The following ABHD17B variants were observed in gnomAD, a reference collection of about 807,000 sequenced individuals.
ABHD17B encodes abhydrolase domain containing 17B, depalmitoylase, also known as alpha/beta hydrolase domain-containing protein 17B.
Under a neutral mutation model 26.2 loss-of-function variants are expected in ABHD17B, and 9 were observed. That is an observed-to-expected ratio of 0.34 (90% CI 0.21 to 0.60). The LOEUF is 0.60. Among genes scored for constraint, ABHD17B ranks in the 20% least tolerant of loss-of-function variants. The pLI is 0.80. For synonymous variants in ABHD17B, 127 were observed against 122.3 expected (o/e 1.04, Z -0.25); for missense variants, 224 against 352.1 (o/e 0.64, Z 2.91).
chr9:71,900,321 A>G (rs1827094487), intron 1 of ABHD17B, among the ~76,000 whole-genome samples: 2 of 152,176 alleles, frequency 1.3e-5, no homozygotes, highest in South Asian at 2.1e-4. Context: ...GACGGCCTAC[A>G]AGGTGATTTC....
intron 1 of ABHD17B, among the ~76,000 whole-genome samples, chr9:71,889,333 T>C (rs529831431): frequency 1.5e-5 from 2 of 131,558 alleles, no homozygotes; most frequent in African/African-American, 5.5e-5. Context: ...AAAAAAAAAA[T>C]CAAACCGCAT....
At chr9:71,891,724 C>T (rs1826789446) in intron 1 of ABHD17B, among the ~76,000 whole-genome samples, 2 of 152,316 alleles carry the variant, frequency 1.3e-5, no homozygotes, top group Non-Finnish European at 1.5e-5. Flanking sequence ...GTCAGTCTGT[C>T]TCTCACAAAC....
chr9:71,897,026 T>C (rs1201855113), intron 1 of ABHD17B, among the ~76,000 whole-genome samples: 1 of 152,188 alleles, frequency 6.6e-6, no homozygotes, highest in Admixed American at 6.5e-5. Flanking sequence ...AGGTCTCTCA[T>C]TGGAGACACA....
At chr9:71,880,546 C>A (rs969999798) in intron 1 of ABHD17B, among the ~76,000 whole-genome samples, 2 of 151,780 alleles carry the variant, frequency 1.3e-5, no homozygotes, top group Non-Finnish European at 2.9e-5. Flanking sequence ...ATATAATTAC[C>A]CTGATAGAAA....
chr9:71,895,851 T>C (rs1826937247), intron 1 of ABHD17B, among the ~76,000 whole-genome samples: 1 of 152,174 alleles, frequency 6.6e-6, no homozygotes, highest in Non-Finnish European at 1.5e-5. Flanking sequence ...AAAATTACTT[T>C]GGAATGCAAC....
intron 1 of ABHD17B, among the ~76,000 whole-genome samples, chr9:71,904,959 T>C (rs1023092654): frequency 2.0e-5 from 3 of 152,164 alleles, no homozygotes; most frequent in Admixed American, 6.6e-5. Flanking sequence ...ATTTAAGATC[T>C]AAATGTGAAC....
At chr9:71,896,668 T>C (rs1589228141) in intron 1 of ABHD17B, among the ~76,000 whole-genome samples, 2 of 134,164 alleles carry the variant, frequency 1.5e-5, no homozygotes, top group South Asian at 2.6e-4. Context: ...TATACAGTTC[T>C]ATCTTCTACC....
chr9:71,876,488 T>A lies in ABHD17B; in HGVS notation c.-3-1405A>T, dbSNP rs564787230. Among the ~76,000 whole-genome samples the A allele has an allele frequency of 1.1e-4, 16 of 152,282 alleles. No homozygotes were observed. The East Asian group carries it at 2.9e-3, about 28-fold the overall frequency. ...TTAGTTCTATCAGTATTTCCTTCTA[T>A]CTTGTCCTTTTTCAAATTCCTGTCT... On this transcript the variant is annotated intron_variant, in intron 1 of 3. Transcript: ENST00000333421.
At chr9:71,901,255 T>G (rs1827132867) in intron 1 of ABHD17B, among the ~76,000 whole-genome samples, 1 of 152,106 alleles carries the variant, frequency 6.6e-6, no homozygotes, top group Non-Finnish European at 1.5e-5. Context: ...TTGTTTTTCT[T>G]TTTTCAGAAT....
intron 1 of ABHD17B, among the ~76,000 whole-genome samples, chr9:71,883,100 G>A (rs376220573): frequency 1.6e-4 from 24 of 152,226 alleles, no homozygotes; most frequent in African/African-American, 3.4e-4. Flanking sequence ...CTGAGATTGC[G>A]CCATTGCACT....
intron 1 of ABHD17B, among the ~76,000 whole-genome samples, chr9:71,892,769 A>G (rs1826828257): frequency 9.9e-6 from 1 of 101,400 alleles, no homozygotes; most frequent in Non-Finnish European, 2.1e-5. Context: ...TGGTCACTGT[A>G]GGGAAATAAT....
Position 71,866,212 on chromosome 9 carries a change from A to T in ABHD17B, c.*575T>A. 1 of 980,866 alleles carries T rather than the reference A, an allele frequency of 1.0e-6. No homozygotes were observed. Among genetic ancestry groups the T allele is most frequent in the Non-Finnish European group, 1.2e-6 (1 of 825,380 alleles). The allele number at this position is 980,866 out of a possible 1,614,324, so 60.8% of individuals were successfully genotyped here. A position where few individuals can be genotyped will look rare whatever the true frequency, so the allele number is the denominator to read the frequency against. On this transcript the variant is annotated 3_prime_UTR_variant, in exon 4 of 4. Transcript: ENST00000333421. Reference sequence around the variant, plus strand: ...TTAAGATTTACATCTTTTTTAAAGGATAAATGTATGTAATCAGAGTATACA... The same window carrying T: ...TTAAGATTTACATCTTTTTTAAAGGTTAAATGTATGTAATCAGAGTATACA...
At chr9:71,877,374 G>A (rs993186520) in intron 1 of ABHD17B, among the ~76,000 whole-genome samples, 5 of 152,190 alleles carry the variant, frequency 3.3e-5, no homozygotes, top group African/African-American at 9.6e-5. Context: ...TAAATGGTAC[G>A]TATCTAGACT....
Position 71,873,125 on chromosome 9 carries a change from T to C in ABHD17B, c.467+1489A>G, listed in dbSNP as rs1008815122. Reference sequence around the variant, plus strand: ...AACAGTAAGTTTTCTTTATATCCTATAGCTTCAGTCTAAAACATCCTGGAA... The same window carrying C: ...AACAGTAAGTTTTCTTTATATCCTACAGCTTCAGTCTAAAACATCCTGGAA... On this transcript the variant is annotated intron_variant, in intron 2 of 3. Coordinates refer to ENST00000333421, the MANE Select transcript of ABHD17B (RefSeq NM_001025780.3). Among the ~76,000 whole-genome samples, 5 of 152,178 alleles carry C rather than the reference T, an allele frequency of 3.3e-5. No individual in the cohort carries two copies. The East Asian group carries it at 9.6e-4, about 29-fold the overall frequency.
intron 1 of ABHD17B, among the ~76,000 whole-genome samples, chr9:71,900,136 A>G (rs1341591367): frequency 6.6e-6 from 1 of 152,224 alleles, no homozygotes. Context: ...TGCCTTTTCT[A>G]TCCTTTTTGT....
At chr9:71,872,574 G>A (rs1001042423) in intron 2 of ABHD17B, among the ~76,000 whole-genome samples, 3 of 152,096 alleles carry the variant, frequency 2.0e-5, no homozygotes, top group Admixed American at 6.6e-5. Flanking sequence ...CTGGCTATCA[G>A]TTTTAACTTA....
chr9:71,883,935 T>C (rs906490264), intron 1 of ABHD17B, among the ~76,000 whole-genome samples: 2 of 149,744 alleles, frequency 1.3e-5, no homozygotes, highest in African/African-American at 4.9e-5. Context: ...AGACTCTGTC[T>C]CAAAAAAAAA....
chr9:71,884,598 G>A (rs762244380), intron 1 of ABHD17B, among the ~76,000 whole-genome samples: 9 of 151,182 alleles, frequency 6.0e-5, no homozygotes, highest in African/African-American at 9.7e-5. Context: ...CAGAGTATAT[G>A]CTTACCAAAG....
At chr9:71,864,049 T>C (rs901103173), downstream of ABHD17B, among the ~76,000 whole-genome samples, 14 of 152,100 alleles carry the variant, frequency 9.2e-5, no homozygotes, top group Admixed American at 1.3e-4. Context: ...TTACACGTTA[T>C]TTCCAGCAAG....
Sources: gnomAD v4.1 joint callset for allele counts (sites outside exome capture counted in the v4.1 genomes callset) on GRCh38, gnomAD v4.1.1 for gene constraint, MANE v1.5 for transcripts, NCBI Gene and HGNC (gene_info 2026-07-23, HGNC 2026-07-21) for gene names.